Variants in ZNF385B observed in about 807,000 individuals in gnomAD.
The protein encoded by ZNF385B is zinc finger protein 385B, also known as zinc finger protein 533.
A neutral mutation model predicts 39.2 loss-of-function variants in ZNF385B; 23 were observed. That is an observed-to-expected ratio of 0.59 (90% CI 0.42 to 0.83). The LOEUF is 0.83. Among genes scored for constraint, ZNF385B ranks in the 40% least tolerant of loss-of-function variants. The pLI is 0.00. For synonymous variants in ZNF385B, 205 were observed against 222.6 expected (o/e 0.92, Z 0.70); for missense variants, 552 against 598.9 (o/e 0.92, Z 0.82).
chr2:179,510,045 C>T (rs989208844), intron 5 of ZNF385B, among the ~76,000 whole-genome samples: 1 of 152,138 alleles, frequency 6.6e-6, no homozygotes, highest in African/African-American at 2.4e-5. Context: ...CACTAGTATT[C>T]TTGAACATAC....
intron 6 of ZNF385B, among the ~76,000 whole-genome samples, chr2:179,458,326 G>A (rs774113143): frequency 1.3e-5 from 2 of 152,172 alleles, no homozygotes; most frequent in Non-Finnish European, 2.9e-5. Context: ...CTCTTTACCT[G>A]CTGACATCCA....
At chr2:179,445,882 T>C (rs777811227) in intron 7 of ZNF385B, among the ~76,000 whole-genome samples, 154 bp from the exon 8 acceptor site, 8 of 151,798 alleles carry the variant, frequency 5.3e-5, no homozygotes, top group Non-Finnish European at 8.8e-5. Context: ...TAACACGTTA[T>C]TGTAAAAAAT....
intron 6 of ZNF385B, among the ~76,000 whole-genome samples, chr2:179,466,844 C>T (rs376323724): frequency 2.9e-5 from 4 of 139,882 alleles, no homozygotes; most frequent in African/African-American, 1.1e-4. Context: ...TTGCCTGAAC[C>T]CAGGAGGCAG....
chr2:179,774,707 G>T (rs910097380), intron 1 of ZNF385B, among the ~76,000 whole-genome samples: 3 of 152,234 alleles, frequency 2.0e-5, no homozygotes, highest in Admixed American at 1.3e-4. Flanking sequence ...TAAGCCCACA[G>T]CTGTTTGCAT....
Position 179,532,908 on chromosome 2 carries a change from G to A in ZNF385B, c.441+11919C>T, listed in dbSNP as rs183433352. 1.2e-3 allele frequency among the ~76,000 whole-genome samples: 179 copies of A among 152,206 alleles called. 1 individual carries two copies. Among genetic ancestry groups the A allele is most frequent in the Non-Finnish European group, 1.8e-4 (12 of 68,006 alleles). On this transcript the variant is annotated intron_variant, in intron 4 of 9. Coordinates refer to ENST00000410066, the MANE Select transcript of ZNF385B (RefSeq NM_152520.6). ...GCCTCTGGAAATCAATCATGCTCTC[G>A]GCAGAGGATATTTCAGTGATATGAG... is the stretch of plus-strand genomic sequence containing the variant.
chr2:179,475,313 C>T (rs950528900), intron 6 of ZNF385B, among the ~76,000 whole-genome samples: 3 of 145,968 alleles, frequency 2.1e-5, no homozygotes, highest in East Asian at 2.0e-4. Flanking sequence ...TGCAGTGGTG[C>T]GAACTCGGCT....
intron 1 of ZNF385B, among the ~76,000 whole-genome samples, chr2:179,776,383 C>T (rs914693574): frequency 6.6e-6 from 1 of 152,082 alleles, no homozygotes; most frequent in Non-Finnish European, 1.5e-5. Flanking sequence ...TAAGCTGACC[C>T]TTGAAATGGG....
At chr2:179,806,633 C>A (rs1048469111) in intron 1 of ZNF385B, among the ~76,000 whole-genome samples, 2 of 152,210 alleles carry the variant, frequency 1.3e-5, no homozygotes, top group African/African-American at 2.4e-5. Flanking sequence ...GCTCAACACA[C>A]TTGTAAGACA....
rs541512917 is a variant in ZNF385B, at chr2:179,475,400, C to T, written c.715+7872G>A. 1.4e-4 allele frequency among the ~76,000 whole-genome samples: 21 copies of T among 151,874 alleles called. No homozygotes were observed. The East Asian group carries it at 2.7e-3, about 20-fold the overall frequency. On this transcript the variant is annotated intron_variant, in intron 6 of 9. Coordinates refer to ENST00000410066, the MANE Select transcript of ZNF385B (RefSeq NM_152520.6). ...CTGAGTAGCTGGGACTACAGGCGCCCGCCACCATGCCCAGCTAATTTTTGT... is the reference window on the plus strand; with the variant it reads ...CTGAGTAGCTGGGACTACAGGCGCCTGCCACCATGCCCAGCTAATTTTTGT...
intron 3 of ZNF385B, among the ~76,000 whole-genome samples, chr2:179,767,594 G>A (rs1171928883): frequency 1.3e-5 from 2 of 152,168 alleles, no homozygotes; most frequent in Non-Finnish European, 2.9e-5. Flanking sequence ...AAATTTGATA[G>A]ATCAAAAGTG....
chr2:179,641,090 A>AC (rs397953666), intron 3 of ZNF385B, among the ~76,000 whole-genome samples: 1 of 151,154 alleles, frequency 6.6e-6, no homozygotes, highest in African/African-American at 2.4e-5. Context: ...TGCATAAAAA[A>AC]GATTCTTTTT....
chr2:179,757,636 T>C (rs573117450), intron 3 of ZNF385B, among the ~76,000 whole-genome samples: 2 of 152,272 alleles, frequency 1.3e-5, no homozygotes, highest in South Asian at 4.1e-4. Flanking sequence ...GGCCACTTTG[T>C]TTACCTACTT....
intron 3 of ZNF385B, among the ~76,000 whole-genome samples, chr2:179,598,485 AG>A (rs1265733243): frequency 2.3e-4 from 35 of 152,296 alleles, no homozygotes; most frequent in Admixed American, 2.1e-3. Context: ...AAGTGTTCAA[AG>A]CATGTTACAG....
At chr2:179,725,818 T>C (rs181350353) in intron 3 of ZNF385B, among the ~76,000 whole-genome samples, 2 of 150,900 alleles carry the variant, frequency 1.3e-5, no homozygotes, top group African/African-American at 2.4e-5. Context: ...TGAACCTATA[T>C]AGATATACAT....
At chr2:179,613,424 G>T (rs1031473085) in intron 3 of ZNF385B, among the ~76,000 whole-genome samples, 1 of 152,146 alleles carries the variant, frequency 6.6e-6, no homozygotes, top group African/African-American at 2.4e-5. Flanking sequence ...AGTACTACCT[G>T]GGTCACTGCT....
At chr2:179,450,734 G>C (rs1371531270) in intron 6 of ZNF385B, among the ~76,000 whole-genome samples, 5 of 152,086 alleles carry the variant, frequency 3.3e-5, no homozygotes, top group Admixed American at 2.6e-4. Flanking sequence ...ATTTGACCCA[G>C]CCATCCTATT....
At chr2:179,494,371 C>T (rs2055921815) in intron 5 of ZNF385B, among the ~76,000 whole-genome samples, 2 of 152,046 alleles carry the variant, frequency 1.3e-5, no homozygotes, top group Admixed American at 6.6e-5. Flanking sequence ...CATGTGTGTA[C>T]AGTGGAGAGG....
intron 4 of ZNF385B, among the ~76,000 whole-genome samples, chr2:179,534,514 T>C (rs1455048081): frequency 3.3e-5 from 5 of 152,194 alleles, no homozygotes; most frequent in Non-Finnish European, 7.3e-5. Flanking sequence ...TTCAGTCATA[T>C]ACCCTCAATT....
intron 4 of ZNF385B, among the ~76,000 whole-genome samples, chr2:179,541,712 C>T (rs67210013): frequency 0.096 from 14,617 of 152,112 alleles, 874 homozygotes; most frequent in Non-Finnish European, 0.14. Context: ...TATTCTGCTT[C>T]GTGTTGTTTG....
Sources: gnomAD v4.1 joint callset for allele counts (sites outside exome capture counted in the v4.1 genomes callset) on GRCh38, gnomAD v4.1.1 for gene constraint, MANE v1.5 for transcripts, NCBI Gene and HGNC (gene_info 2026-07-23, HGNC 2026-07-21) for gene names.